Variants in GPC4 observed in about 807,000 individuals in gnomAD.
The protein encoded by GPC4 is glypican-4.
In GPC4, 10 loss-of-function variants were observed where a neutral mutation model predicts 35.0. The observed-to-expected ratio is 0.29, with a 90% CI of 0.18 to 0.48. GPC4 has a LOEUF of 0.48. Among genes scored for constraint, GPC4 ranks in the 20% least tolerant of loss-of-function variants. The probability of loss-of-function intolerance (pLI) is 0.99; values close to 1 mark genes in which losing one functional copy is unlikely to be tolerated. For synonymous variants in GPC4, 167 were observed against 170.2 expected (o/e 0.98, Z 0.15); for missense variants, 322 against 451.3 (o/e 0.71, Z 2.60).
At chrX:133,391,122 T>C (rs1402076716) in intron 1 of GPC4, among the ~76,000 whole-genome samples, 1 of 112,029 alleles carries the variant, frequency 8.9e-6, no homozygotes, top group African/African-American at 3.2e-5. Flanking sequence ...TAGAAACCCA[T>C]CCCGAATCAA....
chrX:133,357,493 T>A lies in GPC4; in HGVS notation c.161-18152A>T, dbSNP rs766470926. Among the ~76,000 whole-genome samples the A allele has an allele frequency of 4.9e-4, 54 of 109,910 alleles. No homozygotes were observed. In the South Asian group the frequency reaches 6.9e-3, roughly 14 times the overall value. The stretch of plus-strand genomic sequence containing the variant: ...CCCTCAAACTCCTGTGTTCAAATGA[T>A]CCTCCCACCTCAGCCTCCTGAACAG... On this transcript the variant is annotated intron_variant, in intron 1 of 8. Coordinates refer to ENST00000370828, the MANE Select transcript of GPC4 (RefSeq NM_001448.3).
chrX:133,415,308 G>C lies in GPC4; in HGVS notation c.-343C>G, dbSNP rs2068833779. On this transcript the variant is annotated 5_prime_UTR_variant, in exon 1 of 9. Coordinates refer to ENST00000370828, the MANE Select transcript of GPC4 (RefSeq NM_001448.3). ...TGACTGGCCGGCGAGGCGGGGACGC[G>C]GGGAAGGAGGGAAGGGTGGCAGGCG... 1 of 228,103 alleles carries C rather than the reference G, an allele frequency of 4.4e-6. No individual in the cohort carries two copies. The highest frequency in any genetic ancestry group is 7.7e-6 in the Non-Finnish European group (1 of 129,495). 18.8% of individuals were successfully genotyped at this position (228,103 alleles called of 1,213,427 possible).
At chrX:133,381,526 G>A (rs2068660693) in intron 1 of GPC4, among the ~76,000 whole-genome samples, 1 of 111,765 alleles carries the variant, frequency 8.9e-6, no homozygotes, top group Non-Finnish European at 1.9e-5. Context: ...CTTTCCATCA[G>A]ATTTCAGATA....
Position 133,415,063 on chromosome X carries a change from G to A in GPC4, c.-98C>T. The A allele has an allele frequency of 1.1e-6, 1 of 894,744 alleles. No homozygotes were observed. Among genetic ancestry groups the A allele is most frequent in the Admixed American group, 2.8e-5 (1 of 36,032 alleles). 73.7% of individuals were successfully genotyped at this position (894,744 alleles called of 1,213,427 possible). On this transcript the variant is annotated 5_prime_UTR_variant, in exon 1 of 9. Coordinates refer to ENST00000370828, the MANE Select transcript of GPC4 (RefSeq NM_001448.3). The stretch of plus-strand genomic sequence containing the variant: ...GGCTGGCGGAGTCGGGGACTAGCGA[G>A]TGGAGCTGGAGGGAGAAGGAGTTGG...
intron 1 of GPC4, among the ~76,000 whole-genome samples, chrX:133,398,299 G>C (rs748182381): frequency 9.1e-6 from 1 of 110,013 alleles, no homozygotes; most frequent in Non-Finnish European, 1.9e-5. Context: ...TCAGAAGAGG[G>C]GTCCACATTA....
At chrX:133,353,700 G>A (rs776035454) in intron 1 of GPC4, among the ~76,000 whole-genome samples, 1 of 111,086 alleles carries the variant, frequency 9.0e-6, no homozygotes, top group Non-Finnish European at 1.9e-5. Flanking sequence ...CTGCACATTA[G>A]AGGCCTGAAG....
chrX:133,406,747 CAAAA>C (rs56973194), intron 1 of GPC4, among the ~76,000 whole-genome samples: 2 of 38,327 alleles, frequency 5.2e-5, no homozygotes, highest in Admixed American at 4.2e-4. Context: ...GACTTCGTCT[CAAAA>C]AAAAAAAAAA....
At position 133,310,973 on chromosome X, in the gene GPC4, G is replaced by C. The variant is rs528732888; in HGVS notation, c.877+285C>G. The stretch of plus-strand genomic sequence containing the variant: ...TGTGCTGCTATACTCCAGCCTAGGT[G>C]ACAGAAAGAGACTCTGTCTCCAAGA... On this transcript the variant is annotated intron_variant, in intron 4 of 8. Coordinates refer to ENST00000370828, the MANE Select transcript of GPC4 (RefSeq NM_001448.3). Among the ~76,000 whole-genome samples, 128 of 111,207 alleles carry C rather than the reference G, an allele frequency of 1.2e-3. 1 individual carries two copies. The highest frequency in any genetic ancestry group is 8.2e-3 in the South Asian group (21 of 2,569).
intron 3 of GPC4, among the ~76,000 whole-genome samples, chrX:133,317,685 T>C (rs1264394068): frequency 1.8e-5 from 2 of 111,658 alleles, no homozygotes; most frequent in African/African-American, 6.5e-5. Context: ...GCACAGCCAA[T>C]AGTAGCAAGC....
intron 2 of GPC4, among the ~76,000 whole-genome samples, chrX:133,334,188 G>T (rs1362157431): frequency 9.0e-6 from 1 of 111,713 alleles, no homozygotes; most frequent in Non-Finnish European, 1.9e-5. Context: ...CTGGTTAATG[G>T]CTAATATGAA....
chrX:133,320,414 G>A (rs1211179385), intron 3 of GPC4, among the ~76,000 whole-genome samples: 1 of 110,470 alleles, frequency 9.1e-6, no homozygotes, highest in Non-Finnish European at 1.9e-5. Context: ...ATCACCTGAG[G>A]TCGGGAGTTC....
intron 1 of GPC4, among the ~76,000 whole-genome samples, chrX:133,348,673 C>T (rs939546511): frequency 8.9e-6 from 1 of 112,217 alleles, no homozygotes; most frequent in African/African-American, 3.2e-5. Flanking sequence ...TAACAGAAGG[C>T]CTAGGGATAA....
At chrX:133,378,534 C>A (rs1338622552) in intron 1 of GPC4, among the ~76,000 whole-genome samples, 1 of 102,970 alleles carries the variant, frequency 9.7e-6, no homozygotes, top group Non-Finnish European at 2.0e-5. Context: ...AGAGATCACA[C>A]CACTGCACTC....
In GPC4 at chrX:133,322,151, T is replaced by A. The variant is rs1304244535; in HGVS notation, c.711+1994A>T. Among the ~76,000 whole-genome samples the A allele has an allele frequency of 5.4e-5, 6 of 111,752 alleles. No individual in the cohort carries two copies. In the Admixed American group the frequency reaches 5.7e-4, roughly 11 times the overall value. On this transcript the variant is annotated intron_variant, in intron 3 of 8. Transcript: ENST00000370828. ...GACAGTCCTGGTTGCTTACTAACAA[T>A]TAGTGACACCTGGCCAGCACGGTGG...
intron 7 of GPC4, among the ~76,000 whole-genome samples, 196 bp from the exon 8 acceptor site, chrX:133,303,537 T>G (rs2068277365): frequency 8.9e-6 from 1 of 111,965 alleles, no homozygotes; most frequent in Admixed American, 9.5e-5. Flanking sequence ...TGAACTCTAA[T>G]CTTTCTTGTT....
intron 1 of GPC4, among the ~76,000 whole-genome samples, chrX:133,346,830 A>G (rs2068493183): frequency 9.0e-6 from 1 of 111,182 alleles, no homozygotes; most frequent in Non-Finnish European, 1.9e-5. Context: ...TGTCCAGCAT[A>G]AGCAAATCTA....
At chrX:133,329,114 A>G (rs2068407131) in intron 2 of GPC4, among the ~76,000 whole-genome samples, 1 of 112,074 alleles carries the variant, frequency 8.9e-6, no homozygotes, top group East Asian at 2.8e-4. Flanking sequence ...AAGCAGGAGG[A>G]CACAGTGGGA....
chrX:133,367,273 T>A (rs1054279260), intron 1 of GPC4, among the ~76,000 whole-genome samples: 1 of 111,889 alleles, frequency 8.9e-6, no homozygotes, highest in African/African-American at 3.3e-5. Flanking sequence ...CTCTGTGTGA[T>A]CCTTTTCAGA....
chrX:133,344,912 T>A (rs2068485750), intron 1 of GPC4, among the ~76,000 whole-genome samples: 1 of 112,317 alleles, frequency 8.9e-6, no homozygotes, highest in African/African-American at 3.2e-5. Context: ...AACTGTTCCT[T>A]AAGGGTAAGG....
Sources: allele counts gnomAD v4.1 joint callset (sites outside exome capture counted in the v4.1 genomes callset), GRCh38; gene constraint gnomAD v4.1.1; transcripts MANE v1.5; gene names NCBI Gene and HGNC (gene_info 2026-07-23, HGNC 2026-07-21).